The following MEGF11 variants were observed in gnomAD, a reference collection of about 807,000 sequenced individuals.
MEGF11 encodes the protein multiple epidermal growth factor-like domains protein 11.
Under a neutral mutation model 146.6 loss-of-function variants are expected in MEGF11, and 126 were observed. The ratio of observed to expected loss-of-function variants is 0.86; its 90% CI spans 0.74 to 1.00. MEGF11 has a LOEUF of 1.00. MEGF11 is among the 50% of genes least tolerant of loss of function. The probability of loss-of-function intolerance (pLI) is 0.00; values close to 1 mark genes in which losing one functional copy is unlikely to be tolerated. For missense variants in MEGF11, 1,509 were observed against 1,521.2 expected (o/e 0.99, Z 0.13); for synonymous variants, 532 against 583.4 (o/e 0.91, Z 1.27).
At chr15:66,175,510 A>C (rs1208196838) in intron 1 of MEGF11, among the ~76,000 whole-genome samples, 2 of 152,338 alleles carry the variant, frequency 1.3e-5, no homozygotes, top group Admixed American at 1.3e-4. Context: ...ACCCAGAAAT[A>C]AATCCATGTA....
At chr15:66,190,170 T>C (rs1400001685) in intron 1 of MEGF11, among the ~76,000 whole-genome samples, 1 of 152,224 alleles carries the variant, frequency 6.6e-6, no homozygotes, top group Non-Finnish European at 1.5e-5. Flanking sequence ...GTTAAGGACT[T>C]CTGCGCTAAT....
At chr15:66,055,587 A>G (rs1049045240) in intron 5 of MEGF11, among the ~76,000 whole-genome samples, 1 of 152,240 alleles carries the variant, frequency 6.6e-6, no homozygotes, top group African/African-American at 2.4e-5. Context: ...AGCATAGAGC[A>G]TTTGGAAAAC....
chr15:66,099,503 G>T (rs1280202321), intron 4 of MEGF11, among the ~76,000 whole-genome samples: 1 of 152,048 alleles, frequency 6.6e-6, no homozygotes, highest in Non-Finnish European at 1.5e-5. Flanking sequence ...CTTTAATTTG[G>T]TGGTGCCCTT....
intron 1 of MEGF11, among the ~76,000 whole-genome samples, chr15:66,211,550 T>C: frequency 6.8e-6 from 1 of 146,448 alleles, no homozygotes. Context: ...AAGAAAATCA[T>C]CCAATGTGAG....
At chr15:66,135,032 A>G (rs55648467) in intron 1 of MEGF11, among the ~76,000 whole-genome samples, 53,429 of 152,102 alleles carry the variant, frequency 0.35, 11,193 homozygotes, top group South Asian at 0.56. Flanking sequence ...AGAGTCATTT[A>G]CCTGCTCCAG....
intron 19 of MEGF11, 75 bp from the exon 20 acceptor site, chr15:65,914,048 G>A (rs28653086): frequency 8.9e-7 from 1 of 1,121,148 alleles, no homozygotes; most frequent in Middle Eastern, 2.5e-4. Context: ...GGGTTCAGAT[G>A]CGTGTAACCC....
chr15:65,904,411 G>T (rs1338971952), intron 24 of MEGF11, among the ~76,000 whole-genome samples: 1 of 152,164 alleles, frequency 6.6e-6, no homozygotes, highest in Non-Finnish European at 1.5e-5. Flanking sequence ...AGTAATGTCT[G>T]TTGGCTGGCT....
intron 10 of MEGF11, among the ~76,000 whole-genome samples, chr15:65,933,480 G>A (rs986333047): frequency 1.3e-5 from 2 of 152,202 alleles, no homozygotes; most frequent in Non-Finnish European, 2.9e-5. Context: ...TGCCCTGGCC[G>A]TGATCCATGG....
chr15:66,228,481 G>A (rs2091898157), intron 1 of MEGF11, among the ~76,000 whole-genome samples: 1 of 152,142 alleles, frequency 6.6e-6, no homozygotes, highest in Non-Finnish European at 1.5e-5. Context: ...ACTCACACAT[G>A]CACACAGACA....
At chr15:66,170,349 G>C (rs1262265374) in intron 1 of MEGF11, among the ~76,000 whole-genome samples, 4 of 152,192 alleles carry the variant, frequency 2.6e-5, no homozygotes, top group Non-Finnish European at 5.9e-5. Context: ...GTGGTGGGTA[G>C]GGTGGGGGAA....
At position 66,053,714 on chromosome 15, in the gene MEGF11, AATTTTTTT is replaced by A. The variant is rs1183180868; in HGVS notation, c.394+40680_394+40687del. On this transcript the variant is annotated intron_variant, in intron 5 of 25. Coordinates refer to ENST00000395614, the MANE Select transcript of MEGF11 (RefSeq NM_001385028.1). ...ACTCAGCTCCCCCTCCCCTGGCACCAATTTTTTTTTTTTTTTTTTTTTTTTTTTTTTGA... is the reference window on the plus strand; with the variant it reads ...ACTCAGCTCCCCCTCCCCTGGCACCATTTTTTTTTTTTTTTTTTTTTTTGA... Among the ~76,000 whole-genome samples the A allele has an allele frequency of 1.1e-3, 47 of 42,280 alleles. 1 individual carries two copies. The highest frequency in any genetic ancestry group is 2.3e-3 in the African/African-American group (43 of 19,006). The allele number at this position is 42,280 out of a possible 152,430, so 27.7% of individuals were successfully genotyped here. A position where few individuals can be genotyped will look rare whatever the true frequency, so the allele number is the denominator to read the frequency against.
intron 5 of MEGF11, among the ~76,000 whole-genome samples, chr15:66,067,913 T>C (rs187139312): frequency 5.2e-4 from 79 of 152,310 alleles, no homozygotes; most frequent in African/African-American, 1.8e-3. Context: ...ACTTAACGCC[T>C]CGCTTCAGGG....
At chr15:66,242,704 G>A (rs2092234188) in intron 1 of MEGF11, among the ~76,000 whole-genome samples, 1 of 152,112 alleles carries the variant, frequency 6.6e-6, no homozygotes, top group South Asian at 2.1e-4. Flanking sequence ...CCCCATACAA[G>A]TGGGACACAG....
chr15:66,170,549 G>A (rs932656118), intron 1 of MEGF11, among the ~76,000 whole-genome samples: 176 of 152,338 alleles, frequency 1.2e-3, no homozygotes, highest in African/African-American at 4.0e-3. Context: ...GGGCTTCAGC[G>A]TCCTGTCTGT....
chr15:66,210,476 C>T (rs1390901353), intron 1 of MEGF11, among the ~76,000 whole-genome samples: 2 of 152,148 alleles, frequency 1.3e-5, no homozygotes, highest in African/African-American at 4.8e-5. Context: ...AGTTTGATCG[C>T]TAAGGGGAGC....
At chr15:65,916,359 C>A in intron 17 of MEGF11, 83 bp from the exon 18 acceptor site, 1 of 1,468,534 alleles carries the variant, frequency 6.8e-7, no homozygotes, top group South Asian at 1.3e-5. Flanking sequence ...TGTCTTCTGT[C>A]TCTTTTTTTG....
At chr15:65,998,403 CAGG>C (rs1379836340) in intron 5 of MEGF11, among the ~76,000 whole-genome samples, 1 of 152,176 alleles carries the variant, frequency 6.6e-6, no homozygotes, top group Non-Finnish European at 1.5e-5. Context: ...CAGGTGAGGG[CAGG>C]AGGAGCAGTT....
chr15:66,057,581 C>T (rs769120587), intron 5 of MEGF11, among the ~76,000 whole-genome samples: 6 of 151,906 alleles, frequency 3.9e-5, no homozygotes, highest in East Asian at 1.9e-4. Context: ...TTTTCTATTA[C>T]GTCAAGGACA....
intron 10 of MEGF11, among the ~76,000 whole-genome samples, chr15:65,939,658 C>A (rs1186226297): frequency 2.6e-5 from 4 of 152,074 alleles, no homozygotes; most frequent in Admixed American, 2.6e-4. Flanking sequence ...CCACACCTGG[C>A]TAATTTTTGT....
Sources: allele counts gnomAD v4.1 joint callset (sites outside exome capture counted in the v4.1 genomes callset), GRCh38; gene constraint gnomAD v4.1.1; transcripts MANE v1.5; gene names NCBI Gene and HGNC (gene_info 2026-07-23, HGNC 2026-07-21).